Variants in APLN observed in about 807,000 individuals in gnomAD.
The protein encoded by APLN is AGTRL1 ligand.
A neutral mutation model predicts 4.3 loss-of-function variants in APLN; 2 were observed. That is an observed-to-expected ratio of 0.46 (90% CI 0.19 to 1.45). The LOEUF is 1.45. APLN is among the 40% of genes most tolerant of loss of function. The pLI is 0.25. For missense variants in APLN, 80 were observed against 70.0 expected (o/e 1.14, Z -0.51); for synonymous variants, 34 against 30.4 (o/e 1.12, Z -0.38).
In APLN at chrX:129,647,091, G is replaced by C. The variant is rs1438228283; in HGVS notation, c.*832C>G. Reference sequence around the variant, plus strand: ...CCTAAGAAGGCTAAGTGACCTTCAAGGGTCCTGTCAGCTCTAACATTCTGT... The same window carrying C: ...CCTAAGAAGGCTAAGTGACCTTCAACGGTCCTGTCAGCTCTAACATTCTGT... On this transcript the variant is annotated 3_prime_UTR_variant, in exon 3 of 3. Coordinates refer to ENST00000429967, the MANE Select transcript of APLN (RefSeq NM_017413.5). The C allele has an allele frequency of 8.4e-6, 1 of 119,034 alleles. No individual in the cohort carries two copies. Among genetic ancestry groups the C allele is most frequent in the Non-Finnish European group, 1.8e-5 (1 of 56,291 alleles). The allele number at this position is 119,034 out of a possible 1,213,427, so 9.8% of individuals were successfully genotyped here. A position where few individuals can be genotyped will look rare whatever the true frequency, so the allele number is the denominator to read the frequency against.
rs1925010389 is a variant in APLN, at chrX:129,654,676, G to A, written c.-46C>T. ...GGCCCCGGCGAGCCGGCGCGGGGGAGGAGAGGTCGGGCGCCCGGAGGCCAA... is the reference window on the plus strand; with the variant it reads ...GGCCCCGGCGAGCCGGCGCGGGGGAAGAGAGGTCGGGCGCCCGGAGGCCAA... On this transcript the variant is annotated 5_prime_UTR_variant, in exon 1 of 3. Coordinates refer to ENST00000429967, the MANE Select transcript of APLN (RefSeq NM_017413.5). The A allele has an allele frequency of 1.8e-5, 18 of 996,563 alleles. No individual in the cohort carries two copies. The highest frequency in any genetic ancestry group is 5.7e-5 in the South Asian group (2 of 35,337). 82.1% of individuals were successfully genotyped at this position (996,563 alleles called of 1,213,427 possible).
At chrX:129,650,385 T>G (rs1194847945) in intron 1 of APLN, among the ~76,000 whole-genome samples, 2 of 110,968 alleles carry the variant, frequency 1.8e-5, no homozygotes, top group Non-Finnish European at 3.8e-5. Context: ...GTGGGTGGGT[T>G]TGGCCTTAGG....
intron 1 of APLN, 106 bp from the exon 2 acceptor site, chrX:129,648,898 C>T: frequency 2.6e-6 from 2 of 773,615 alleles, no homozygotes; most frequent in East Asian, 3.6e-5. Context: ...GGTGGCACTT[C>T]TCATAGATTT....
intron 1 of APLN, among the ~76,000 whole-genome samples, chrX:129,650,054 T>C (rs1248256210): frequency 2.7e-5 from 3 of 110,941 alleles, no homozygotes; most frequent in Admixed American, 9.5e-5. Context: ...TACAGGCCTG[T>C]GCAGATACAG....
In APLN at chrX:129,647,521, A is replaced by G; in HGVS notation, c.*402T>C. The G allele has an allele frequency of 1.3e-6, 1 of 750,643 alleles. No individual in the cohort carries two copies. The highest frequency in any genetic ancestry group is 1.7e-6 in the Non-Finnish European group (1 of 572,810). The allele number at this position is 750,643 out of a possible 1,213,427, so 61.9% of individuals were successfully genotyped here. On this transcript the variant is annotated 3_prime_UTR_variant, in exon 3 of 3. Coordinates refer to ENST00000429967, the MANE Select transcript of APLN (RefSeq NM_017413.5). ...GACAGGAAAACAAGGGATCTGCTGG[A>G]GCCCACAGAAGGGAGCACTTCCACC...
chrX:129,651,208 C>T (rs781151226), intron 1 of APLN, among the ~76,000 whole-genome samples: 1 of 110,864 alleles, frequency 9.0e-6, no homozygotes, highest in African/African-American at 3.3e-5. Context: ...TGACTGAACC[C>T]CCAGCCGGGC....
rs781302891 is a variant in APLN, at chrX:129,648,762, C to T, written c.98G>A (p.Gly33Glu). ...GSLMPLPDGN[G>E]LEDGNVRHLV... ...GTGGCGGACATTGCCGTCTTCCAGC[C>T]CATTCCCATCGGGAAGCGGCATCAG... is the stretch of plus-strand genomic sequence containing the variant. The change falls in exon 2 of 3, where the codon GGG (glycine) becomes GAG (glutamate). Residue 33 changes from glycine to glutamate, a missense_variant. Transcript: ENST00000429967. 2.6e-6 allele frequency: 3 copies of T among 1,173,583 alleles called. No homozygotes were observed. Among genetic ancestry groups the T allele is most frequent in the Non-Finnish European group, 2.3e-6 (2 of 875,971 alleles).
In APLN at chrX:129,647,527, C is replaced by G. The variant is rs1936947856; in HGVS notation, c.*396G>C. ...AAAACAAGGGATCTGCTGGAGCCCA[C>G]AGAAGGGAGCACTTCCACCCCGCGC... On this transcript the variant is annotated 3_prime_UTR_variant, in exon 3 of 3. Transcript: ENST00000429967. 1.2e-6 allele frequency: 1 copy of G among 811,384 alleles called. No homozygotes were observed. The highest frequency in any genetic ancestry group is 1.6e-6 in the Non-Finnish European group (1 of 623,999). The allele number at this position is 811,384 out of a possible 1,213,427, so 66.9% of individuals were successfully genotyped here. A position where few individuals can be genotyped will look rare whatever the true frequency, so the allele number is the denominator to read the frequency against.
In APLN at chrX:129,654,574, C is replaced by G. The variant is rs1277401524; in HGVS notation, c.57G>C (p.Ala19=). 8 of 1,155,502 alleles carry G rather than the reference C, an allele frequency of 6.9e-6. No homozygotes were observed. Among genetic ancestry groups the G allele is most frequent in the Non-Finnish European group, 9.2e-6 (8 of 869,377 alleles). The part of the protein sequence containing the change: ...ALLLLWLSLT[A]VCGGSLMPLP... ...AGGGCGCGCACTCACCTCCACACAC[C>G]GCGGTCAAGGAGAGCCAGAGCAGCA... The change falls in exon 1 of 3, where the codon GCG becomes GCC. Residue 19 remains alanine (A), a synonymous_variant. Transcript: ENST00000429967.
intron 1 of APLN, among the ~76,000 whole-genome samples, chrX:129,652,796 A>G (rs73633913): frequency 0.02 from 2,206 of 111,363 alleles, 64 homozygotes; most frequent in African/African-American, 0.069. Flanking sequence ...TACTGTCCCA[A>G]TGGCTGGGAC....
At position 129,654,753 on chromosome X, in the gene APLN, C is replaced by A; in HGVS notation, c.-123G>T. ...TGCGGGCGCAGAGCTCGGGAGGCTC[C>A]CCGGCCGCTGAGTGTGCGCGCTGAG... On this transcript the variant is annotated 5_prime_UTR_variant, in exon 1 of 3. Transcript: ENST00000429967. The A allele has an allele frequency of 2.5e-6, 1 of 403,099 alleles. No individual in the cohort carries two copies. The highest frequency in any genetic ancestry group is 3.6e-6 in the Non-Finnish European group (1 of 279,754). The allele number at this position is 403,099 out of a possible 1,213,427, so 33.2% of individuals were successfully genotyped here.
intron 1 of APLN, 34 bp from the exon 2 acceptor site, chrX:129,648,826 G>A (rs376594412): frequency 1.5e-5 from 17 of 1,132,916 alleles, no homozygotes; most frequent in East Asian, 3.3e-5. Context: ...AGTGAGGAAG[G>A]TTGTTGGAAA....
chrX:129,646,574 C>G lies in APLN; in HGVS notation c.*1349G>C, dbSNP rs1225554430. Reference sequence around the variant, plus strand: ...CTTCCTTCTTCTCCCCTCTCCGCCTCCCCCAAAGGAAAAGCCCTGGAAGGA... The same window carrying G: ...CTTCCTTCTTCTCCCCTCTCCGCCTGCCCCAAAGGAAAAGCCCTGGAAGGA... On this transcript the variant is annotated 3_prime_UTR_variant, in exon 3 of 3. Coordinates refer to ENST00000429967, the MANE Select transcript of APLN (RefSeq NM_017413.5). The G allele has an allele frequency of 8.9e-6, 1 of 111,823 alleles. No individual in the cohort carries two copies. The highest frequency in any genetic ancestry group is 1.9e-5 in the Non-Finnish European group (1 of 53,061). 9.2% of individuals were successfully genotyped at this position (111,823 alleles called of 1,213,427 possible). A position where few individuals can be genotyped will look rare whatever the true frequency, so the allele number is the denominator to read the frequency against.
At chrX:129,654,334 G>A (rs1402938213) in intron 1 of APLN, among the ~76,000 whole-genome samples, 1 of 113,403 alleles carries the variant, frequency 8.8e-6, no homozygotes, top group Non-Finnish European at 1.9e-5. Flanking sequence ...CAAGGTGACG[G>A]GCAGGTGATG....
At chrX:129,651,570 C>T (rs1237880345) in intron 1 of APLN, among the ~76,000 whole-genome samples, 9 of 112,300 alleles carry the variant, frequency 8.0e-5, no homozygotes, top group Non-Finnish European at 1.1e-4. Flanking sequence ...CAAACAATCT[C>T]GAGCCTAGAG....
At chrX:129,654,418 C>T in intron 1 of APLN, 146 bp downstream of exon 1, 1 of 447,288 alleles carries the variant, frequency 2.2e-6, no homozygotes, top group Non-Finnish European at 3.4e-6. Flanking sequence ...GGCGCTCTGT[C>T]AATCTGCTGC....
chrX:129,654,711 G>T lies in APLN; in HGVS notation c.-81C>A. On this transcript the variant is annotated 5_prime_UTR_variant, in exon 1 of 3. Coordinates refer to ENST00000429967, the MANE Select transcript of APLN (RefSeq NM_017413.5). ...GGCGCCCGGAGGCCAAGAAAGGCGC[G>T]AGCCGCGGCTGGCGCGTGCGGGCGC... is the stretch of plus-strand genomic sequence containing the variant. The T allele has an allele frequency of 1.3e-6, 1 of 793,152 alleles. No homozygotes were observed. The highest frequency in any genetic ancestry group is 1.6e-6 in the Non-Finnish European group (1 of 614,475). The allele number at this position is 793,152 out of a possible 1,213,427, so 65.4% of individuals were successfully genotyped here. A position where few individuals can be genotyped will look rare whatever the true frequency, so the allele number is the denominator to read the frequency against.
Position 129,654,667 on chromosome X carries a change from C to CG in APLN, c.-38dup, listed in dbSNP as rs1489314973. On this transcript the variant is annotated 5_prime_UTR_variant, in exon 1 of 3. Transcript: ENST00000429967. Reference sequence around the variant, plus strand: ...GGCCGCCGCGGCCCCGGCGAGCCGGCGCGGGGGAGGAGAGGTCGGGCGCCC... The same window carrying CG: ...GGCCGCCGCGGCCCCGGCGAGCCGGCGGCGGGGGAGGAGAGGTCGGGCGCCC... The CG allele has an allele frequency of 9.5e-7, 1 of 1,056,175 alleles. No individual in the cohort carries two copies. Among genetic ancestry groups the CG allele is most frequent in the Admixed American group, 3.6e-5 (1 of 27,720 alleles). The allele number at this position is 1,056,175 out of a possible 1,213,427, so 87.0% of individuals were successfully genotyped here.
At chrX:129,653,747 G>T (rs1425812650) in intron 1 of APLN, among the ~76,000 whole-genome samples, 2 of 112,617 alleles carry the variant, frequency 1.8e-5, no homozygotes, top group East Asian at 2.8e-4. Flanking sequence ...GTCAGGTGCT[G>T]TGCTTCCTCC....
Sources: allele counts gnomAD v4.1 joint callset (sites outside exome capture counted in the v4.1 genomes callset), GRCh38; gene constraint gnomAD v4.1.1; transcripts MANE v1.5; gene names NCBI Gene and HGNC (gene_info 2026-07-23, HGNC 2026-07-21).